The following DPP10 variants were observed in gnomAD, a reference collection of about 807,000 sequenced individuals.
DPP10 encodes the protein dipeptidyl peptidase like 10.
DPP10 carries 33 observed loss-of-function variants against 120.9 expected under a neutral mutation model. The observed-to-expected ratio is 0.27, with a 90% CI of 0.21 to 0.37. The LOEUF (loss-of-function observed/expected upper bound fraction) is 0.37. Among genes scored for constraint, DPP10 ranks in the 10% least tolerant of loss-of-function variants. DPP10 has a pLI of 1.00. For missense variants in DPP10, 816 were observed against 942.8 expected, an observed-to-expected ratio of 0.87 and a Z score of 1.76; for synonymous variants, 337 against 326.1, an observed-to-expected ratio of 1.03 and a Z score of -0.36.
intron 1 of DPP10, among the ~76,000 whole-genome samples, chr2:114,548,032 C>G (rs879698981): frequency 4.6e-5 from 7 of 152,150 alleles, no homozygotes; most frequent in Non-Finnish European, 8.8e-5. Flanking sequence ...TGGAGGCCAG[C>G]CTTCCAGGGA....
intron 5 of DPP10, among the ~76,000 whole-genome samples, chr2:115,538,453 C>T (rs546422752): frequency 9.9e-5 from 15 of 151,914 alleles, no homozygotes; most frequent in Middle Eastern, 3.4e-3. Context: ...TAAAAGTATA[C>T]TTATCATAGT....
intron 3 of DPP10, among the ~76,000 whole-genome samples, chr2:115,351,007 A>C (rs956431010): frequency 5.9e-5 from 9 of 152,258 alleles, no homozygotes; most frequent in South Asian, 2.1e-4. Flanking sequence ...TTGGACTAGC[A>C]ATCTTATTAA....
chr2:115,381,452 T>A (rs1384950640), intron 3 of DPP10, among the ~76,000 whole-genome samples: 1 of 152,170 alleles, frequency 6.6e-6, no homozygotes, highest in Non-Finnish European at 1.5e-5. Flanking sequence ...TTATACATTC[T>A]TCTAAATTTT....
chr2:115,154,451 AT>A (rs1165776482), intron 1 of DPP10, among the ~76,000 whole-genome samples: 1 of 152,188 alleles, frequency 6.6e-6, no homozygotes, highest in African/African-American at 2.4e-5. Context: ...TCAGATGCTG[AT>A]ATGATGAATC....
intron 1 of DPP10, among the ~76,000 whole-genome samples, chr2:115,052,812 C>A (rs919342982): frequency 6.6e-6 from 1 of 152,038 alleles, no homozygotes; most frequent in Non-Finnish European, 1.5e-5. Context: ...ATTAGCCGGA[C>A]GCGGTGGCAG....
chr2:115,827,189 TTAAC>T (rs1688400104), intron 21 of DPP10, among the ~76,000 whole-genome samples: 1 of 151,592 alleles, frequency 6.6e-6, no homozygotes, highest in Non-Finnish European at 1.5e-5. Flanking sequence ...ATGTATATTT[TTAAC>T]TAATTAAAGT....
rs140909256 is a variant in DPP10 at position 114,530,516 on chromosome 2, G to C, written c.60+87678G>C. Among the ~76,000 whole-genome samples the C allele has an allele frequency of 2.9e-3, 439 of 152,180 alleles. 5 individuals carry two copies. Among genetic ancestry groups the C allele is most frequent in the Middle Eastern group, 0.021 (6 of 292 alleles). ...TAAACATAGCCCACAGTCAGAGGAA[G>C]GGGCTCATTCAAAAACATTTAGTTG... is the stretch of plus-strand genomic sequence containing the variant. On this transcript the variant is annotated intron_variant, in intron 1 of 25. Transcript: ENST00000410059.
chr2:114,599,879 TATATTA>T (rs1234774938), intron 1 of DPP10, among the ~76,000 whole-genome samples: 6 of 151,838 alleles, frequency 4.0e-5, no homozygotes, highest in South Asian at 2.1e-4. Context: ...GATTTTTTTC[TATATTA>T]ATATTAACAT....
intron 5 of DPP10, among the ~76,000 whole-genome samples, chr2:115,603,172 A>C (rs1464645401): frequency 7.0e-6 from 1 of 143,304 alleles, no homozygotes; most frequent in Non-Finnish European, 1.6e-5. Flanking sequence ...GTGTGTGTAT[A>C]GTCATCTGCA....
intron 3 of DPP10, among the ~76,000 whole-genome samples, chr2:115,360,850 G>A (rs1304958755): frequency 2.6e-5 from 4 of 152,090 alleles, no homozygotes; most frequent in Admixed American, 6.6e-5. Context: ...TGATTCAGTC[G>A]GTCAGAGGTG....
chr2:115,309,127 G>T, intron 1 of DPP10, 112 bp from the exon 2 acceptor site: 1 of 756,792 alleles, frequency 1.3e-6, no homozygotes. Context: ...AGAGGAAATG[G>T]ATTCTAATCA....
intron 1 of DPP10, among the ~76,000 whole-genome samples, chr2:114,500,489 G>C (rs1290617453): frequency 6.6e-6 from 1 of 152,206 alleles, no homozygotes; most frequent in Non-Finnish European, 1.5e-5. Context: ...TTATACCAAA[G>C]TGTTAGATCA....
At chr2:115,336,025 T>C (rs1407891167) in intron 2 of DPP10, among the ~76,000 whole-genome samples, 1 of 152,102 alleles carries the variant, frequency 6.6e-6, no homozygotes, top group Non-Finnish European at 1.5e-5. Flanking sequence ...TAAGGAAATA[T>C]TTCTAAACCT....
chr2:115,807,647 G>C (rs1263807170), intron 19 of DPP10, among the ~76,000 whole-genome samples: 1 of 151,900 alleles, frequency 6.6e-6, no homozygotes, highest in African/African-American at 2.4e-5. Flanking sequence ...GCCTTTGGCC[G>C]ATAATAGTTC....
chr2:115,552,559 A>G (rs2079940182), intron 5 of DPP10, among the ~76,000 whole-genome samples: 1 of 152,048 alleles, frequency 6.6e-6, no homozygotes, highest in Admixed American at 6.6e-5. Context: ...CTACCTTGGC[A>G]TGTGATAGGT....
intron 1 of DPP10, among the ~76,000 whole-genome samples, chr2:114,607,992 T>A (rs1373420506): frequency 6.6e-6 from 1 of 152,198 alleles, no homozygotes. Context: ...TGTGAGCTGG[T>A]CATGAGCCTC....
intron 1 of DPP10, among the ~76,000 whole-genome samples, chr2:114,737,488 T>C (rs1054902264): frequency 6.6e-6 from 1 of 152,214 alleles, no homozygotes; most frequent in Non-Finnish European, 1.5e-5. Flanking sequence ...CTAAGCCCTA[T>C]TTGTAAAGAA....
chr2:115,213,200 G>T (rs965406313), intron 1 of DPP10, among the ~76,000 whole-genome samples: 1 of 152,084 alleles, frequency 6.6e-6, no homozygotes, highest in Non-Finnish European at 1.5e-5. Context: ...GCCCTAGGAG[G>T]ATATCTTGCA....
intron 1 of DPP10, among the ~76,000 whole-genome samples, chr2:114,839,012 A>G (rs1687951090): frequency 6.6e-6 from 1 of 152,164 alleles, no homozygotes; most frequent in Admixed American, 6.6e-5. Context: ...TTTTAATATT[A>G]TGATGCATAC....
Sources: allele counts gnomAD v4.1 joint callset (sites outside exome capture counted in the v4.1 genomes callset), GRCh38; gene constraint gnomAD v4.1.1; transcripts MANE v1.5; gene names NCBI Gene and HGNC (gene_info 2026-07-23, HGNC 2026-07-21).